The following NRG3 variants were observed in gnomAD, a reference collection of about 807,000 sequenced individuals.
NRG3 encodes the protein pro-neuregulin-3, membrane-bound isoform.
Under a neutral mutation model 66.9 loss-of-function variants are expected in NRG3, and 31 were observed. The ratio of observed to expected loss-of-function variants is 0.46; its 90% CI spans 0.35 to 0.63. The LOEUF is 0.63. NRG3 is among the 20% of genes least tolerant of loss of function. The pLI is 0.00. For synonymous variants in NRG3, 393 were observed against 359.4 expected, an observed-to-expected ratio of 1.09 and a Z score of -1.06; for missense variants, 910 against 878.9, an observed-to-expected ratio of 1.04 and a Z score of -0.45.
At chr10:82,065,297 G>A (rs1310956534) in intron 1 of NRG3, among the ~76,000 whole-genome samples, 1 of 152,148 alleles carries the variant, frequency 6.6e-6, no homozygotes, top group African/African-American at 2.4e-5. Flanking sequence ...AGAACACTCT[G>A]CTTCCTCTCA....
At chr10:82,362,526 A>G (rs976295952) in intron 2 of NRG3, among the ~76,000 whole-genome samples, 1 of 127,438 alleles carries the variant, frequency 7.8e-6, no homozygotes, top group Non-Finnish European at 1.6e-5. Context: ...GGTGCTCACC[A>G]CCATGCCCAG....
At position 81,993,577 on chromosome 10, in the gene NRG3, C is replaced by A. The variant is rs147447360; in HGVS notation, c.823+117414C>A. Among the ~76,000 whole-genome samples the A allele has an allele frequency of 2.2e-3, 328 of 152,134 alleles. 1 individual carries two copies. The highest frequency in any genetic ancestry group is 0.01 in the Middle Eastern group (3 of 294). Reference sequence around the variant, plus strand: ...GCTCAGCTTGGCCTTGAACTCCTGGCCTCAACTGATCCTCCCACCATGTCC... The same window carrying A: ...GCTCAGCTTGGCCTTGAACTCCTGGACTCAACTGATCCTCCCACCATGTCC... On this transcript the variant is annotated intron_variant, in intron 1 of 8. Transcript: ENST00000372141.
intron 1 of NRG3, among the ~76,000 whole-genome samples, chr10:82,082,195 A>G (rs1236618713): frequency 1.3e-5 from 2 of 152,130 alleles, no homozygotes; most frequent in South Asian, 2.1e-4. Flanking sequence ...TTGTTGTAAG[A>G]AAAATGTCCC....
intron 2 of NRG3, among the ~76,000 whole-genome samples, chr10:82,622,104 G>A (rs1380291537): frequency 6.6e-6 from 1 of 152,156 alleles, no homozygotes; most frequent in African/African-American, 2.4e-5. Context: ...TTGCAAGGAG[G>A]TAAGACTACC....
chr10:82,795,839 A>G (rs1201981933), intron 3 of NRG3, among the ~76,000 whole-genome samples: 1 of 152,102 alleles, frequency 6.6e-6, no homozygotes. Flanking sequence ...CATTTTAATT[A>G]TGTGGCATTT....
Position 82,910,576 on chromosome 10 carries a change from A to G in NRG3, c.1055-40893A>G, listed in dbSNP as rs538084819. ...ATCTGGTTTTACAAACATTTGTACC[A>G]GTGGCTTATGCTCACTGCAAAGAAG... On this transcript the variant is annotated intron_variant, in intron 4 of 8. Coordinates refer to ENST00000372141, the MANE Select transcript of NRG3 (RefSeq NM_001010848.4). Among the ~76,000 whole-genome samples the G allele has an allele frequency of 1.1e-3, 168 of 152,358 alleles. 2 individuals are homozygous for G. The highest frequency in any genetic ancestry group is 6.8e-3 in the Middle Eastern group (2 of 294).
chr10:82,058,401 A>G (rs2063960647), intron 1 of NRG3, among the ~76,000 whole-genome samples: 1 of 151,902 alleles, frequency 6.6e-6, no homozygotes, highest in Non-Finnish European at 1.5e-5. Flanking sequence ...CGATACCATA[A>G]AATTATTTTT....
chr10:82,254,823 T>C (rs2077640793), intron 1 of NRG3, among the ~76,000 whole-genome samples: 1 of 150,810 alleles, frequency 6.6e-6, no homozygotes, highest in African/African-American at 2.4e-5. Flanking sequence ...ATAAGACAAA[T>C]GTTGATGAGA....
chr10:82,447,107 A>G (rs1372153608), intron 2 of NRG3, among the ~76,000 whole-genome samples: 1 of 152,216 alleles, frequency 6.6e-6, no homozygotes, highest in African/African-American at 2.4e-5. Flanking sequence ...TGTTGTTGCC[A>G]CTGCAAACTG....
At chr10:82,398,448 C>A (rs2136026692) in intron 2 of NRG3, among the ~76,000 whole-genome samples, 1 of 151,270 alleles carries the variant, frequency 6.6e-6, no homozygotes, top group South Asian at 2.1e-4. Flanking sequence ...GATCAAACAA[C>A]TTTGGTTCCA....
At chr10:82,919,593 C>T (rs1218994952) in intron 4 of NRG3, among the ~76,000 whole-genome samples, 1 of 151,898 alleles carries the variant, frequency 6.6e-6, no homozygotes, top group Non-Finnish European at 1.5e-5. Flanking sequence ...TTCAGATGAT[C>T]CCTAGGAAAA....
At chr10:82,784,089 G>T (rs1034287193) in intron 3 of NRG3, among the ~76,000 whole-genome samples, 1 of 151,966 alleles carries the variant, frequency 6.6e-6, no homozygotes, top group Non-Finnish European at 1.5e-5. Context: ...ACAAACCTGA[G>T]AAAAACAAGC....
chr10:82,501,341 C>T (rs1844165806), intron 2 of NRG3, among the ~76,000 whole-genome samples: 1 of 152,138 alleles, frequency 6.6e-6, no homozygotes, highest in Non-Finnish European at 1.5e-5. Flanking sequence ...TTCAGCACCG[C>T]AACAAGAGCA....
rs1288916880 is a variant in NRG3, at chr10:82,044,956, A to T, written c.823+168793A>T. On this transcript the variant is annotated intron_variant, in intron 1 of 8. Coordinates refer to ENST00000372141, the MANE Select transcript of NRG3 (RefSeq NM_001010848.4). ...GTACATGTGCCACATTTTCTTAATC[A>T]AGTCTATCATTGTTGGACATTTGGG... is the stretch of plus-strand genomic sequence containing the variant. Among the ~76,000 whole-genome samples the T allele has an allele frequency of 4.6e-5, 7 of 151,712 alleles. No homozygotes were observed. In the Admixed American group the frequency reaches 4.6e-4, roughly 10 times the overall value.
chr10:82,534,267 GT>G (rs60425988), intron 2 of NRG3, among the ~76,000 whole-genome samples: 51 of 141,826 alleles, frequency 3.6e-4, no homozygotes, highest in South Asian at 6.7e-4. Flanking sequence ...AATCCATTTT[GT>G]TTTTTTTTTT....
chr10:82,826,493 A>G (rs1286724974), intron 3 of NRG3, among the ~76,000 whole-genome samples: 1 of 152,202 alleles, frequency 6.6e-6, no homozygotes, highest in Non-Finnish European at 1.5e-5. Context: ...GGTGTTAGGA[A>G]ACACACATAA....
At chr10:82,887,840 T>C (rs756854376) in intron 4 of NRG3, among the ~76,000 whole-genome samples, 7 of 152,242 alleles carry the variant, frequency 4.6e-5, no homozygotes, top group African/African-American at 1.4e-4. Flanking sequence ...GTTGAACATA[T>C]GCAGGTCTAA....
At chr10:82,757,199 A>G (rs984383290) in intron 3 of NRG3, among the ~76,000 whole-genome samples, 21 of 152,086 alleles carry the variant, frequency 1.4e-4, no homozygotes, top group African/African-American at 5.1e-4. Flanking sequence ...CTCTTCAGGA[A>G]GAGATTATCT....
At chr10:82,309,239 CT>C (rs1336015043) in intron 1 of NRG3, among the ~76,000 whole-genome samples, 1 of 152,168 alleles carries the variant, frequency 6.6e-6, no homozygotes, top group African/African-American at 2.4e-5. Context: ...CTAATTTTGC[CT>C]ATGAATGGGT....
Sources: allele counts gnomAD v4.1 joint callset (sites outside exome capture counted in the v4.1 genomes callset), GRCh38; gene constraint gnomAD v4.1.1; transcripts MANE v1.5; gene names NCBI Gene and HGNC (gene_info 2026-07-23, HGNC 2026-07-21).